Variants in ZSCAN5A observed in about 807,000 individuals in gnomAD.
ZSCAN5A encodes zinc finger and SCAN domain-containing protein 5A.
A neutral mutation model predicts 23.7 loss-of-function variants in ZSCAN5A; 12 were observed. The observed-to-expected ratio is 0.51, with a 90% CI of 0.32 to 0.82. ZSCAN5A has a LOEUF of 0.82. Among genes scored for constraint, ZSCAN5A ranks in the 40% least tolerant of loss-of-function variants. ZSCAN5A has a pLI of 0.03. For synonymous variants in ZSCAN5A, 257 were observed against 239.9 expected, an observed-to-expected ratio of 1.07 and a Z score of -0.66; for missense variants, 597 against 617.9, an observed-to-expected ratio of 0.97 and a Z score of 0.36.
intron 2 of ZSCAN5A, chr19:56,322,140 C>T: frequency 1.3e-6 from 1 of 769,230 alleles, no homozygotes; most frequent in South Asian, 1.4e-5. Context: ...AGCTGAGCGT[C>T]TCTGGAAGGA....
intron 2 of ZSCAN5A, among the ~76,000 whole-genome samples, chr19:56,230,317 C>T (rs1214898027): frequency 6.6e-6 from 1 of 152,050 alleles, no homozygotes; most frequent in Non-Finnish European, 1.5e-5. Context: ...AACTCCTGAC[C>T]TCGTGATCCA....
At position 56,237,984 on chromosome 19, in the gene ZSCAN5A, CATACACACAT is replaced by C. The variant is rs1481329131; in HGVS notation, c.-127-12821_-127-12812del. 1.6e-3 allele frequency among the ~76,000 whole-genome samples: 124 copies of C among 78,884 alleles called. 1 individual carries two copies. Among genetic ancestry groups the C allele is most frequent in the East Asian group, 3.9e-3 (8 of 2,030 alleles). 51.8% of individuals were successfully genotyped at this position (78,884 alleles called of 152,430 possible). A position where few individuals can be genotyped will look rare whatever the true frequency, so the allele number is the denominator to read the frequency against. ...CACCACAGACACACGGACACACACA[CATACACACAT>C]ACGCACACATACACACACACGTCAA... On this transcript the variant is annotated intron_variant, in intron 2 of 5. Transcript: ENST00000683990.
chr19:56,367,039 C>T (rs1168191625), intron 1 of ZSCAN5A, among the ~76,000 whole-genome samples: 2 of 151,998 alleles, frequency 1.3e-5, no homozygotes, highest in South Asian at 2.1e-4. Flanking sequence ...TTCCCCGAGC[C>T]GAAAAAAAGT....
At chr19:56,307,774 T>C (rs1034851211) in intron 2 of ZSCAN5A, among the ~76,000 whole-genome samples, 2 of 152,262 alleles carry the variant, frequency 1.3e-5, no homozygotes, top group African/African-American at 4.8e-5. Flanking sequence ...AATAAAAATT[T>C]CAGTCCATGT....
chr19:56,250,719 G>T (rs117154338), intron 2 of ZSCAN5A, among the ~76,000 whole-genome samples: 2 of 152,022 alleles, frequency 1.3e-5, no homozygotes, highest in African/African-American at 2.4e-5. Context: ...TCCCACATCC[G>T]CTCCTACCCA....
At chr19:56,230,491 T>C (rs1167266275) in intron 2 of ZSCAN5A, among the ~76,000 whole-genome samples, 3 of 152,162 alleles carry the variant, frequency 2.0e-5, no homozygotes, top group African/African-American at 4.8e-5. Flanking sequence ...TCACCTCACA[T>C]AGATACCATG....
chr19:56,231,144 T>A (rs999154179), intron 2 of ZSCAN5A, among the ~76,000 whole-genome samples: 5 of 151,954 alleles, frequency 3.3e-5, no homozygotes, highest in African/African-American at 1.2e-4. Flanking sequence ...GCCTGGGAGG[T>A]CAAGGTTGCA....
chr19:56,317,525 C>G (rs2041329589), upstream of ZSCAN5A: 1 of 152,430 alleles, frequency 6.6e-6, no homozygotes, highest in South Asian at 2.1e-4. Context: ...AAGGGAGGCT[C>G]TGTCCCCAGC....
intron 2 of ZSCAN5A, chr19:56,295,134 CTGTCT>C (rs2039779478): frequency 6.6e-6 from 1 of 152,170 alleles, no homozygotes. Flanking sequence ...CTAAAAACTA[CTGTCT>C]TGTACACTTG....
intron 1 of ZSCAN5A, among the ~76,000 whole-genome samples, chr19:56,366,951 TAC>T (rs1176819933): frequency 6.6e-6 from 1 of 152,072 alleles, no homozygotes; most frequent in Non-Finnish European, 1.5e-5. Flanking sequence ...ATAGGCAAAA[TAC>T]ACAGATTGAA....
At chr19:56,325,436 G>A (rs2041423300) in intron 2 of ZSCAN5A, among the ~76,000 whole-genome samples, 1 of 152,168 alleles carries the variant, frequency 6.6e-6, no homozygotes, top group African/African-American at 2.4e-5. Context: ...CCAGATTCCA[G>A]TTGTATCTAC....
intron 2 of ZSCAN5A, among the ~76,000 whole-genome samples, chr19:56,322,778 C>A (rs1055667691): frequency 6.6e-6 from 1 of 152,046 alleles, no homozygotes; most frequent in Admixed American, 6.6e-5. Context: ...GCACTTACTC[C>A]TGTATACTTT....
intron 2 of ZSCAN5A, among the ~76,000 whole-genome samples, chr19:56,302,527 TC>T (rs72260130): frequency 2.4e-4 from 12 of 50,740 alleles, no homozygotes; most frequent in East Asian, 1.3e-3. Context: ...CCTCCCTCCC[TC>T]CCTCTTCTTC....
chr19:56,270,105 G>A (rs906986875), intron 2 of ZSCAN5A, among the ~76,000 whole-genome samples: 3 of 150,784 alleles, frequency 2.0e-5, no homozygotes, highest in Non-Finnish European at 4.4e-5. Context: ...CCACTTCCCT[G>A]CTCCACATAG....
intron 2 of ZSCAN5A, chr19:56,302,739 A>G: frequency 2.8e-6 from 1 of 363,072 alleles, no homozygotes; most frequent in East Asian, 3.7e-5. Flanking sequence ...CTAGACTGGG[A>G]TAAAACTTCT....
chr19:56,227,498 T>A (rs2034062726), intron 2 of ZSCAN5A, among the ~76,000 whole-genome samples: 1 of 152,108 alleles, frequency 6.6e-6, no homozygotes, highest in Non-Finnish European at 1.5e-5. Flanking sequence ...TGAGATCCTG[T>A]CTCTAAAAAA....
intron 1 of ZSCAN5A, among the ~76,000 whole-genome samples, chr19:56,367,074 A>C (rs965120155): frequency 3.9e-5 from 6 of 152,202 alleles, no homozygotes; most frequent in African/African-American, 1.4e-4. Flanking sequence ...AAGAATATTA[A>C]AGTGGCTGGC....
chr19:56,265,891 C>G (rs1275254115), intron 2 of ZSCAN5A, among the ~76,000 whole-genome samples: 1 of 152,096 alleles, frequency 6.6e-6, no homozygotes, highest in Non-Finnish European at 1.5e-5. Flanking sequence ...TTTGAGGGAC[C>G]CTGCTTGCTT....
intron 2 of ZSCAN5A, among the ~76,000 whole-genome samples, chr19:56,257,117 CAG>C (rs1471949936): frequency 2.0e-5 from 3 of 152,152 alleles, no homozygotes; most frequent in East Asian, 1.9e-4. Context: ...CCTCAAAAGA[CAG>C]AGTGTGGAGA....
Sources: allele counts gnomAD v4.1 joint callset (sites outside exome capture counted in the v4.1 genomes callset), GRCh38; gene constraint gnomAD v4.1.1; transcripts MANE v1.5; gene names NCBI Gene and HGNC (gene_info 2026-07-23, HGNC 2026-07-21).